NMBR: variants seen among roughly 807,000 people sequenced by gnomAD.
NMBR encodes the protein neuromedin-B receptor.
In NMBR, 16 loss-of-function variants were observed where a neutral mutation model predicts 20.5. That is an observed-to-expected ratio of 0.78 (90% CI 0.53 to 1.19). NMBR has a LOEUF of 1.19. Ranked by LOEUF, NMBR falls within the 50% of genes most tolerant of loss-of-function variation. The pLI is 0.00. For synonymous variants in NMBR, 212 were observed against 196.6 expected, an observed-to-expected ratio of 1.08 and a Z score of -0.65; for missense variants, 582 against 499.1, an observed-to-expected ratio of 1.17 and a Z score of -1.58.
chr6:142,094,765 T>C (rs1283538353), intron 1 of NMBR, among the ~76,000 whole-genome samples: 1 of 152,202 alleles, frequency 6.6e-6, no homozygotes, highest in Non-Finnish European at 1.5e-5. Context: ...TCCACGATAT[T>C]GATTCTTCCT....
chr6:142,098,528 C>T (rs1333125126), intron 1 of NMBR, among the ~76,000 whole-genome samples: 1 of 152,056 alleles, frequency 6.6e-6, no homozygotes, highest in Non-Finnish European at 1.5e-5. Context: ...TTCCTATATA[C>T]CGTCAATTAC....
chr6:142,119,297 G>A (rs1190106281), intron 1 of NMBR, among the ~76,000 whole-genome samples: 3 of 151,932 alleles, frequency 2.0e-5, no homozygotes, highest in African/African-American at 7.2e-5. Context: ...ACCACACCAG[G>A]ATGGGACATA....
rs538631532 is a variant in NMBR, at chr6:142,094,868, G to C, written c.-663-5547C>G. Among the ~76,000 whole-genome samples, 536 of 152,062 alleles carry C rather than the reference G, an allele frequency of 3.5e-3. 4 individuals are homozygous for C. Among genetic ancestry groups the C allele is most frequent in the African/African-American group, 0.012 (509 of 41,492 alleles). ...AGTTCTCCTTGAAGAGGTCCTTCAC[G>C]TCCCTTGTAAGCTGGATTCCTAGGT... On this transcript the variant is annotated intron_variant, in intron 1 of 3. Transcript: ENST00000258042.
chr6:142,133,844 T>C, intron 1 of NMBR: 1 of 663,544 alleles, frequency 1.5e-6, no homozygotes, highest in Non-Finnish European at 2.8e-6. Flanking sequence ...CCTAAAACCA[T>C]AACAGGTTAA....
chr6:142,109,188 A>T (rs1302465821), intron 1 of NMBR, among the ~76,000 whole-genome samples: 1 of 152,254 alleles, frequency 6.6e-6, no homozygotes, highest in East Asian at 1.9e-4. Context: ...CCATTGGTGG[A>T]TCTACCATTC....
At chr6:142,127,146 T>G (rs868856331) in intron 1 of NMBR, among the ~76,000 whole-genome samples, 5 of 151,958 alleles carry the variant, frequency 3.3e-5, no homozygotes, top group Admixed American at 6.6e-5. Context: ...AAACTTTAAT[T>G]GATTTGGAGT....
At chr6:142,099,938 A>G (rs191557841) in intron 1 of NMBR, among the ~76,000 whole-genome samples, 136 of 152,324 alleles carry the variant, frequency 8.9e-4, no homozygotes, top group Non-Finnish European at 1.7e-3. Context: ...AAGAAGATAC[A>G]CAAGTGTAAA....
At chr6:142,134,205 G>T (rs1015674562) in intron 1 of NMBR, among the ~76,000 whole-genome samples, 7 of 152,072 alleles carry the variant, frequency 4.6e-5, no homozygotes, top group Non-Finnish European at 8.8e-5. Context: ...GTTTTGGGGA[G>T]TTTCTTCCAA....
At chr6:142,123,865 C>A (rs1031930664) in intron 1 of NMBR, among the ~76,000 whole-genome samples, 13 of 151,864 alleles carry the variant, frequency 8.6e-5, no homozygotes, top group Non-Finnish European at 1.9e-4. Flanking sequence ...TTGCCGAACC[C>A]CTTCCTAGAG....
intron 1 of NMBR, among the ~76,000 whole-genome samples, chr6:142,145,191 A>G (rs993846469): frequency 6.6e-6 from 1 of 152,144 alleles, no homozygotes; most frequent in Non-Finnish European, 1.5e-5. Flanking sequence ...AGTACACATG[A>G]ATGTATGCAA....
Position 142,088,401 on chromosome 6 carries a change from C to T in NMBR, c.258G>A (p.Ala86=), listed in dbSNP as rs757333914. 6.2e-7 allele frequency: 1 copy of T among 1,613,946 alleles called. No homozygotes were observed. Among genetic ancestry groups the T allele is most frequent in the Non-Finnish European group, 8.5e-7 (1 of 1,180,026 alleles). ...SVPNIFISNL[A]AGDLLLLLTC... ...TGAGCAGCAGCAGCAAGTCCCCGGC[C>T]GCCAGGTTAGAGATGAAGATGTTGG... Residue 86 remains alanine (A), a synonymous_variant, in exon 2 of 4, where the codon GCG becomes GCA. Transcript: ENST00000258042.
chr6:142,110,382 G>A (rs1026648005), intron 1 of NMBR, among the ~76,000 whole-genome samples: 2 of 152,092 alleles, frequency 1.3e-5, no homozygotes, highest in African/African-American at 2.4e-5. Context: ...ATGGAATATT[G>A]GATGGCATTA....
At chr6:142,089,862 T>A (rs1777289192) in intron 1 of NMBR, among the ~76,000 whole-genome samples, 1 of 152,220 alleles carries the variant, frequency 6.6e-6, no homozygotes, top group Non-Finnish European at 1.5e-5. Flanking sequence ...TGTGTTCAGG[T>A]GCACATTTGA....
intron 1 of NMBR, among the ~76,000 whole-genome samples, chr6:142,136,215 G>C (rs1582864843): frequency 6.6e-6 from 1 of 152,228 alleles, no homozygotes; most frequent in African/African-American, 2.4e-5. Flanking sequence ...GTATCTCCTT[G>C]TGCTTTTGAT....
chr6:142,088,507 A>T lies in NMBR; in HGVS notation c.152T>A (p.Leu51Gln). ...VIRCVIPSLY[L>Q]LIITVGLLGN... ...CAGCAAGCCCACGGTGATGATGAGC[A>T]GGTAGAGGGACGGGATCACACAGCG... is the stretch of plus-strand genomic sequence containing the variant. The change falls in exon 2 of 4, where the codon CTG becomes CAG. Residue 51 changes from leucine (L) to glutamine (Q), a missense_variant. By Grantham distance (113) the Leu-to-Gln change is moderately radical. Coordinates refer to ENST00000258042, the MANE Select transcript of NMBR (RefSeq NM_002511.4). The T allele has an allele frequency of 3.1e-6, 5 of 1,614,068 alleles. No homozygotes were observed. The highest frequency in any genetic ancestry group is 4.2e-6 in the Non-Finnish European group (5 of 1,179,998).
intron 3 of NMBR, among the ~76,000 whole-genome samples, chr6:142,077,632 A>G (rs1021116565): frequency 6.6e-6 from 1 of 152,176 alleles, no homozygotes; most frequent in Non-Finnish European, 1.5e-5. Flanking sequence ...GTTACCTTCC[A>G]TGCAAGAAAA....
intron 1 of NMBR, among the ~76,000 whole-genome samples, chr6:142,145,411 A>T (rs1231876714): frequency 6.6e-6 from 1 of 152,236 alleles, no homozygotes; most frequent in Non-Finnish European, 1.5e-5. Flanking sequence ...CTAGATTTTA[A>T]TGTGGAATAC....
chr6:142,111,433 G>A (rs1777761885), intron 1 of NMBR, among the ~76,000 whole-genome samples: 1 of 152,082 alleles, frequency 6.6e-6, no homozygotes, highest in African/African-American at 2.4e-5. Context: ...TTTTCTTAGT[G>A]AGAAAAGTTG....
At chr6:142,086,889 C>T (rs1777210304) in intron 2 of NMBR, among the ~76,000 whole-genome samples, 1 of 152,030 alleles carries the variant, frequency 6.6e-6, no homozygotes, top group African/African-American at 2.4e-5. Context: ...ACTGTGGTTG[C>T]TAATCATTAA....
Sources: allele counts gnomAD v4.1 joint callset (sites outside exome capture counted in the v4.1 genomes callset), GRCh38; gene constraint gnomAD v4.1.1; transcripts MANE v1.5; gene names NCBI Gene and HGNC (gene_info 2026-07-23, HGNC 2026-07-21).